The following SBK3 variants were observed in gnomAD, a reference collection of about 807,000 sequenced individuals.
SBK3 encodes uncharacterized serine/threonine-protein kinase SBK3.
In SBK3, 16 loss-of-function variants were observed where a neutral mutation model predicts 12.7. That is an observed-to-expected ratio of 1.26 (90% CI 0.86 to 1.92). SBK3 has a LOEUF of 1.92. SBK3 is among the 40% of genes most tolerant of loss of function. SBK3 has a pLI of 0.00. For missense variants in SBK3, 462 were observed against 481.8 expected, an observed-to-expected ratio of 0.96 and a Z score of 0.38; for synonymous variants, 217 against 213.6, an observed-to-expected ratio of 1.02 and a Z score of -0.14.
At position 55,544,851 on chromosome 19, in the gene SBK3, C is replaced by A. The variant is rs1433130582; in HGVS notation, c.144G>T (p.Lys48Asn). 2 of 1,532,510 alleles carry A rather than the reference C, an allele frequency of 1.3e-6. No homozygotes were observed. The highest frequency in any genetic ancestry group is 1.7e-6 in the Non-Finnish European group (2 of 1,145,528). 94.9% of individuals were successfully genotyped at this position (1,532,510 alleles called of 1,614,324 possible). A position where few individuals can be genotyped will look rare whatever the true frequency, so the allele number is the denominator to read the frequency against. ...SLRDQYHLIR[K>N]LGSGSYGRVL... The stretch of plus-strand genomic sequence containing the variant: ...CGCGGCCGTAGGAGCCGGAGCCCAG[C>A]TTCCGGATGAGGTGGTACTGGTCCC... The change falls in exon 2 of 4, where the codon AAG becomes AAT. Residue 48 changes from lysine to asparagine, a missense_variant. Lys to Asn is a moderately conservative substitution (Grantham distance 94). Coordinates refer to ENST00000612221, the MANE Select transcript of SBK3 (RefSeq NM_001199824.2).
chr19:55,544,394 C>G, intron 2 of SBK3, 92 bp from the exon 3 acceptor site: 1 of 1,019,922 alleles, frequency 9.8e-7, no homozygotes, highest in Non-Finnish European at 1.4e-6. Context: ...GAGCCTCACA[C>G]TTCTCATGGG....
rs1306165507 is a variant in SBK3, at chr19:55,540,954, C to T, written c.972G>A (p.Val324=). Residue 324 remains valine (V), a synonymous_variant, in exon 4 of 4, where the codon GTG becomes GTA. Transcript: ENST00000612221. ...REGPGVLGSA[V]SYEDREEGGS... is the part of the protein sequence containing the mutation. ...CTCCCTCCTCCCTGTCCTCATAGGA[C>T]ACGGCGCTCCCCAAAACCCCAGGTC... The T allele has an allele frequency of 6.5e-7, 1 of 1,535,914 alleles. No homozygotes were observed. Among genetic ancestry groups the T allele is most frequent in the Non-Finnish European group, 8.7e-7 (1 of 1,146,748 alleles).
Position 55,544,303 on chromosome 19 carries a change from C to T in SBK3, c.197-1G>A. On this transcript the variant is annotated splice_acceptor_variant, in intron 2 of 3. Coordinates refer to ENST00000612221, the MANE Select transcript of SBK3 (RefSeq NM_001199824.2). LOFTEE classifies it high-confidence loss of function. Reference sequence around the variant, plus strand: ...AGGAGCTTCAGAGCCACAGCTGGACCTGCCAGGGAGATGGGTCGGAGGGAC... The same window carrying T: ...AGGAGCTTCAGAGCCACAGCTGGACTTGCCAGGGAGATGGGTCGGAGGGAC... The T allele has an allele frequency of 6.5e-7, 1 of 1,535,424 alleles. No individual in the cohort carries two copies. Among genetic ancestry groups the T allele is most frequent in the Non-Finnish European group, 8.7e-7 (1 of 1,146,508 alleles).
chr19:55,545,522 T>A lies in SBK3; in HGVS notation c.22A>T (p.Thr8Ser), dbSNP rs1228296481. Residue 8 changes from threonine to serine, a missense_variant, in exon 1 of 4, where the codon ACC (threonine) becomes TCC (serine). By Grantham distance (58) the Thr-to-Ser change is moderately conservative (BLOSUM62 1). Transcript: ENST00000612221. The surrounding 1 kb of genome is among the most constrained non-coding windows in gnomAD (Gnocchi z 4.4). MERRASE[T>S]PEDGDPEEDT... ...ACCTCTGGGTCCCCATCCTCAGGGG[T>A]CTCGGAGGCCCTGCGCTCCATCTCA... 6.5e-7 allele frequency: 1 copy of A among 1,534,748 alleles called. No homozygotes were observed. Among genetic ancestry groups the A allele is most frequent in the Admixed American group, 2.0e-5 (1 of 50,882 alleles).
chr19:55,541,399 C>T lies in SBK3; in HGVS notation c.527G>A (p.Cys176Tyr). 6.5e-7 allele frequency: 1 copy of T among 1,535,842 alleles called. No homozygotes were observed. Among genetic ancestry groups the T allele is most frequent in the Non-Finnish European group, 8.7e-7 (1 of 1,146,828 alleles). ...CAGGTCTCCCAGGGCCACACGGCTG[C>T]AGACCGGGTCGAAGACCAGCACGTT... ...PDNVLVFDPV[C>Y]SRVALGDLGL... is the part of the protein sequence containing the mutation. Residue 176 changes from cysteine (C) to tyrosine (Y), a missense_variant, in exon 4 of 4, where the codon TGC becomes TAC. Transcript: ENST00000612221. This position sits in a 1 kb window ranked among gnomAD's most constrained non-coding sequence, Gnocchi z 5.3.
In SBK3 at chr19:55,540,990, C is replaced by A. The variant is rs1390238024; in HGVS notation, c.936G>T (p.Gly312=). Residue 312 remains glycine (G), a synonymous_variant, in exon 4 of 4, where the codon GGG becomes GGT. Transcript: ENST00000612221. ...CCAAAACCCCAGGTCCCTCTCTGTTCCCTTGCAACCCCCAGTCGTCCCCCA... is the reference window on the plus strand; with the variant it reads ...CCAAAACCCCAGGTCCCTCTCTGTTACCTTGCAACCCCCAGTCGTCCCCCA... ...DFLGDDWGLQ[G]NREGPGVLGS... The A allele has an allele frequency of 2.0e-6, 3 of 1,535,916 alleles. No homozygotes were observed. Among genetic ancestry groups the A allele is most frequent in the South Asian group, 1.2e-5 (1 of 84,022 alleles).
At chr19:55,542,318 C>T (rs1309689847) in intron 3 of SBK3, among the ~76,000 whole-genome samples, 1 of 152,144 alleles carries the variant, frequency 6.6e-6, no homozygotes, top group African/African-American at 2.4e-5. Context: ...CCCTTGCTTC[C>T]TTTCACCCAT....
chr19:55,544,797 A>G lies in SBK3; in HGVS notation c.196+2T>C. 6.7e-7 allele frequency: 1 copy of G among 1,490,714 alleles called. No individual in the cohort carries two copies. Among genetic ancestry groups the G allele is most frequent in the Non-Finnish European group, 8.9e-7 (1 of 1,124,884 alleles). 92.3% of individuals were successfully genotyped at this position (1,490,714 alleles called of 1,614,324 possible). On this transcript the variant is annotated splice_donor_variant, in intron 2 of 3. Transcript: ENST00000612221. LOFTEE classifies it high-confidence loss of function. The stretch of plus-strand genomic sequence containing the variant: ...AGGCTGCCCTTGGGTGGCTGAACTC[A>G]CCCCCCTGGTGAGGCTGGGCAAGGA...
chr19:55,544,894 GT>G lies in SBK3; in HGVS notation c.100del (p.Thr34ProfsTer3), dbSNP rs1170848358. 2 of 1,534,508 alleles carry G rather than the reference GT, an allele frequency of 1.3e-6. No individual in the cohort carries two copies. Among genetic ancestry groups the G allele is most frequent in the Non-Finnish European group, 1.7e-6 (2 of 1,146,456 alleles). On this transcript the variant is annotated frameshift_variant, in exon 2 of 4. Coordinates refer to ENST00000612221, the MANE Select transcript of SBK3 (RefSeq NM_001199824.2). LOFTEE classifies it high-confidence loss of function. ...RLVELTTSRV[T>X]PVRSLRDQYH... ...CTGGTCCCGAAGGCTCCTCACCGGG[GT>G]CACCCTGCTGGTCGTCAGCTCCACC...
chr19:55,540,784 G>T lies in SBK3; in HGVS notation c.*62C>A, dbSNP rs1988541481. 4 of 1,373,608 alleles carry T rather than the reference G, an allele frequency of 2.9e-6. No individual in the cohort carries two copies. The highest frequency in any genetic ancestry group is 2.5e-5 in the South Asian group (2 of 80,878). The allele number at this position is 1,373,608 out of a possible 1,614,324, so 85.1% of individuals were successfully genotyped here. On this transcript the variant is annotated 3_prime_UTR_variant, in exon 4 of 4. Transcript: ENST00000612221. ...GTGCAGCTGTCTCTCCATCCAGGTGGCCCTGGGGGCTGGGGGAAGGGCCTC... is the reference window on the plus strand; with the variant it reads ...GTGCAGCTGTCTCTCCATCCAGGTGTCCCTGGGGGCTGGGGGAAGGGCCTC...
chr19:55,544,825 A>C lies in SBK3; in HGVS notation c.170T>G (p.Val57Gly), dbSNP rs1369181032. The stretch of plus-strand genomic sequence containing the variant: ...CCCCTGGTGAGGCTGGGCAAGGAGC[A>C]CGCGGCCGTAGGAGCCGGAGCCCAG... The part of the protein sequence containing the change: ...RKLGSGSYGR[V>G]LLAQPHQGGP... Residue 57 changes from valine to glycine, a missense_variant, in exon 2 of 4, where the codon GTG becomes GGG. Physicochemically the swap from Val to Gly is moderately radical, Grantham distance 109. Transcript: ENST00000612221. The C allele has an allele frequency of 2.0e-6, 3 of 1,527,054 alleles. No homozygotes were observed. The African/African-American group carries it at 4.1e-5, about 21-fold the overall frequency. 94.6% of individuals were successfully genotyped at this position (1,527,054 alleles called of 1,614,324 possible).
chr19:55,544,237 A>G lies in SBK3; in HGVS notation c.262T>C (p.Phe88Leu). 6.5e-7 allele frequency: 1 copy of G among 1,535,800 alleles called. No individual in the cohort carries two copies. The highest frequency in any genetic ancestry group is 1.2e-5 in the South Asian group (1 of 84,034). The change falls in exon 3 of 4, where the codon TTC becomes CTC. Residue 88 changes from phenylalanine (F) to leucine (L), a missense_variant. By Grantham distance (22) the Phe-to-Leu change is conservative. Coordinates refer to ENST00000612221, the MANE Select transcript of SBK3 (RefSeq NM_001199824.2). ...LVLRSTFLRE[F>L]CVGRCVSAHP... ...GCAGAGACGCAGCGGCCCACACAGA[A>G]CTCCCTCAGGAAGGTGCTTCTCAGG...
In SBK3 at chr19:55,545,068, C is replaced by A; in HGVS notation, c.46-119G>T. 1 of 741,506 alleles carries A rather than the reference C, an allele frequency of 1.3e-6. No homozygotes were observed. The highest frequency in any genetic ancestry group is 1.9e-5 in the South Asian group (1 of 53,718). 45.9% of individuals were successfully genotyped at this position (741,506 alleles called of 1,614,324 possible). A position where few individuals can be genotyped will look rare whatever the true frequency, so the allele number is the denominator to read the frequency against. On this transcript the variant is annotated intron_variant, in intron 1 of 3. Coordinates refer to ENST00000612221, the MANE Select transcript of SBK3 (RefSeq NM_001199824.2). The surrounding 1 kb of genome is among the most constrained non-coding windows in gnomAD (Gnocchi z 4.4). ...TGGGGCAGGGGACAGGGGTCACTGT[C>A]CCCAGAGAGGAGGATGAGTCACAGT... is the stretch of plus-strand genomic sequence containing the variant.
intron 3 of SBK3, among the ~76,000 whole-genome samples, chr19:55,542,559 C>A (rs983927755): frequency 6.7e-6 from 1 of 150,126 alleles, no homozygotes; most frequent in African/African-American, 2.5e-5. Context: ...ATCCATCCAT[C>A]CATCCATCCA....
intron 3 of SBK3, among the ~76,000 whole-genome samples, chr19:55,543,384 C>T (rs1475435704): frequency 1.4e-5 from 2 of 141,372 alleles, no homozygotes; most frequent in African/African-American, 2.6e-5. Flanking sequence ...ACCAGTCCTT[C>T]CTTCCACCCA....
At chr19:55,544,695 G>T (rs1368379790) in intron 2 of SBK3, 104 bp downstream of exon 2, 2 of 1,147,990 alleles carry the variant, frequency 1.7e-6, no homozygotes, top group African/African-American at 1.6e-5. Context: ...CCACTGAGAA[G>T]GGTCCCCATC....
rs1221302021 is a variant in SBK3 at position 55,545,217 on chromosome 19, G to A, written c.46-268C>T. 3 of 578,244 alleles carry A rather than the reference G, an allele frequency of 5.2e-6. No homozygotes were observed. Among genetic ancestry groups the A allele is most frequent in the Non-Finnish European group, 9.2e-6 (3 of 327,088 alleles). 35.8% of individuals were successfully genotyped at this position (578,244 alleles called of 1,614,324 possible). A position where few individuals can be genotyped will look rare whatever the true frequency, so the allele number is the denominator to read the frequency against. On this transcript the variant is annotated intron_variant, in intron 1 of 3. Transcript: ENST00000612221. The surrounding 1 kb of genome is among the most constrained non-coding windows in gnomAD (Gnocchi z 4.4). ...GGAGCCCCCAGCCCCGAGTGGGGGT[G>A]CATCCTCAGCCCACACAGTCCCCCT... is the stretch of plus-strand genomic sequence containing the variant.
rs899599429 is a variant in SBK3 at position 55,541,876 on chromosome 19, C to G, written c.400-350G>C. 2.6e-5 allele frequency among the ~76,000 whole-genome samples: 4 copies of G among 152,206 alleles called. No homozygotes were observed. Among genetic ancestry groups the G allele is most frequent in the African/African-American group, 7.2e-5 (3 of 41,450 alleles). On this transcript the variant is annotated intron_variant, in intron 3 of 3. Coordinates refer to ENST00000612221, the MANE Select transcript of SBK3 (RefSeq NM_001199824.2). This position sits in a 1 kb window ranked among gnomAD's most constrained non-coding sequence, Gnocchi z 5.3. ...TGCACTCCTGTAGACCAACTCCCAGCTGGTCTCCCAGTTTTCCCCACTGGA... is the reference window on the plus strand; with the variant it reads ...TGCACTCCTGTAGACCAACTCCCAGGTGGTCTCCCAGTTTTCCCCACTGGA...
rs544216050 is a variant in SBK3, at chr19:55,541,394, G to A, written c.532C>T (p.Arg178Cys). ...NVLVFDPVCS[R>C]VALGDLGLTR... ...AGACCCAGGTCTCCCAGGGCCACAC[G>A]GCTGCAGACCGGGTCGAAGACCAGC... Residue 178 changes from arginine to cysteine, a missense_variant, in exon 4 of 4, where the codon CGT (arginine) becomes TGT (cysteine). Transcript: ENST00000612221. This position sits in a 1 kb window ranked among gnomAD's most constrained non-coding sequence, Gnocchi z 5.3. 6 of 1,535,830 alleles carry A rather than the reference G, an allele frequency of 3.9e-6. No homozygotes were observed. The highest frequency in any genetic ancestry group is 1.4e-5 in the African/African-American group (1 of 73,170).
Sources: allele counts gnomAD v4.1 joint callset (sites outside exome capture counted in the v4.1 genomes callset), GRCh38; gene constraint gnomAD v4.1.1; non-coding constraint Gnocchi (gnomAD v3.1); transcripts MANE v1.5; gene names NCBI Gene and HGNC (gene_info 2026-07-23, HGNC 2026-07-21).